Variants in KIAA1217 observed in about 807,000 individuals in gnomAD.
The protein encoded by KIAA1217 is KIAA1217.
In KIAA1217, 88 loss-of-function variants were observed where a neutral mutation model predicts 163.9. The observed-to-expected ratio is 0.54, with a 90% CI of 0.45 to 0.64. KIAA1217 has a LOEUF of 0.64. Among genes scored for constraint, KIAA1217 ranks in the 30% least tolerant of loss-of-function variants. The pLI is 0.00. For missense variants in KIAA1217, 2,372 were observed against 2,475.0 expected (o/e 0.96, Z 0.88); for synonymous variants, 903 against 923.1 (o/e 0.98, Z 0.39).
intron 3 of KIAA1217, among the ~76,000 whole-genome samples, chr10:24,421,471 T>G (rs1022708903): frequency 2.0e-5 from 3 of 152,220 alleles, no homozygotes; most frequent in Non-Finnish European, 4.4e-5. Flanking sequence ...CAAGTACCAT[T>G]TTGGCTATCT....
chr10:24,530,689 G>C (rs2072979552), intron 14 of KIAA1217, among the ~76,000 whole-genome samples: 1 of 152,092 alleles, frequency 6.6e-6, no homozygotes, highest in Admixed American at 6.5e-5. Context: ...CTTGAAGCCA[G>C]GACTTCAAGA....
chr10:23,896,743 C>T (rs954854644), intron 1 of KIAA1217, among the ~76,000 whole-genome samples: 1 of 152,020 alleles, frequency 6.6e-6, no homozygotes, highest in Admixed American at 6.6e-5. Context: ...TTTGCAAAAA[C>T]GTCTTTAAAC....
At chr10:24,438,542 G>A in intron 5 of KIAA1217, 63 bp downstream of exon 5, 2 of 1,086,546 alleles carry the variant, frequency 1.8e-6, no homozygotes, top group Middle Eastern at 2.0e-4. Flanking sequence ...CCTCTTGCTT[G>A]TACTCCTGAT....
In KIAA1217 at chr10:23,967,854, A is replaced by C. The variant is rs574555011; in HGVS notation, c.-320-39371A>C. On this transcript the variant is annotated intron_variant, in intron 1 of 18. Coordinates refer to the KIAA1217 transcript ENST00000376462. ...CTAATTGCTTAGGCACTTAGACATT[A>C]GGTAAGTTCTAGTGTCTCAAGCAAC... Among the ~76,000 whole-genome samples, 10 of 151,960 alleles carry C rather than the reference A, an allele frequency of 6.6e-5. No individual in the cohort carries two copies. The South Asian group carries it at 1.0e-3, about 16-fold the overall frequency.
At chr10:24,218,253 A>T (rs2069094930) in intron 1 of KIAA1217, among the ~76,000 whole-genome samples, 2 of 152,116 alleles carry the variant, frequency 1.3e-5, no homozygotes, top group East Asian at 3.9e-4. Context: ...ACCATCGAGG[A>T]TGAATGGAGA....
At chr10:24,174,269 G>A (rs2065766195) in intron 2 of KIAA1217, among the ~76,000 whole-genome samples, 1 of 152,174 alleles carries the variant, frequency 6.6e-6, no homozygotes, top group Admixed American at 6.5e-5. Flanking sequence ...TCTAGCTCTT[G>A]GCTTGCTGCC....
intron 14 of KIAA1217, among the ~76,000 whole-genome samples, chr10:24,531,514 A>G (rs1301051243): frequency 6.6e-6 from 1 of 152,150 alleles, no homozygotes; most frequent in African/African-American, 2.4e-5. Flanking sequence ...AGTAGGTAAT[A>G]CTTTACATAG....
chr10:23,845,429 C>T (rs920485023), intron 1 of KIAA1217, among the ~76,000 whole-genome samples: 1 of 152,154 alleles, frequency 6.6e-6, no homozygotes. Context: ...GATCTCCATT[C>T]TAACTGGCAT....
At chr10:24,426,391 GT>G (rs1180796609) in intron 3 of KIAA1217, among the ~76,000 whole-genome samples, 1 of 152,118 alleles carries the variant, frequency 6.6e-6, no homozygotes, top group Non-Finnish European at 1.5e-5. Context: ...GGAGGTCAAG[GT>G]GGGTGAATCA....
intron 5 of KIAA1217, among the ~76,000 whole-genome samples, chr10:24,450,272 A>G (rs951215333): frequency 6.6e-6 from 1 of 152,242 alleles, no homozygotes; most frequent in Non-Finnish European, 1.5e-5. Flanking sequence ...CTTTAAATTT[A>G]AAAATAAAAA....
At chr10:23,864,419 T>A (rs1840088518) in intron 1 of KIAA1217, among the ~76,000 whole-genome samples, 2 of 152,172 alleles carry the variant, frequency 1.3e-5, no homozygotes, top group South Asian at 4.1e-4. Context: ...TCCTTGTTTT[T>A]ATTTAATTTT....
At position 24,268,022 on chromosome 10, in the gene KIAA1217, C is replaced by A. The variant is rs114838216; in HGVS notation, c.354+48113C>A. Among the ~76,000 whole-genome samples, 1,087 of 152,268 alleles carry A rather than the reference C, an allele frequency of 7.1e-3. 10 individuals are homozygous for A. Among genetic ancestry groups the A allele is most frequent in the African/African-American group, 0.025 (1,029 of 41,562 alleles). On this transcript the variant is annotated intron_variant, in intron 2 of 20. Transcript: ENST00000376454. The stretch of plus-strand genomic sequence containing the variant: ...GGCCCTTTAACTTTGTTTCCCTGCG[C>A]TGCAGCTCCTGTCTCCAGCAGTTAG...
intron 10 of KIAA1217, among the ~76,000 whole-genome samples, chr10:24,518,314 T>C (rs1207634546): frequency 6.7e-6 from 1 of 149,182 alleles, no homozygotes; most frequent in Non-Finnish European, 1.5e-5. Context: ...TTTTAATGTT[T>C]TATCTAAAGT....
chr10:24,264,386 T>G (rs2076005297), intron 2 of KIAA1217, among the ~76,000 whole-genome samples: 1 of 151,796 alleles, frequency 6.6e-6, no homozygotes, highest in Non-Finnish European at 1.5e-5. Flanking sequence ...AAATGGAAAT[T>G]TGGGAAGGGG....
At chr10:23,951,040 A>G (rs886933849) in intron 1 of KIAA1217, among the ~76,000 whole-genome samples, 3 of 152,176 alleles carry the variant, frequency 2.0e-5, no homozygotes, top group African/African-American at 7.2e-5. Flanking sequence ...ATTATGGTCT[A>G]GTATAAGAGA....
intron 2 of KIAA1217, among the ~76,000 whole-genome samples, chr10:24,176,906 G>A (rs755982601): frequency 2.6e-5 from 4 of 152,284 alleles, no homozygotes; most frequent in South Asian, 2.1e-4. Context: ...GAATTTGAAC[G>A]CAGCACAGGT....
intron 1 of KIAA1217, among the ~76,000 whole-genome samples, chr10:23,847,314 C>G (rs1588938893): frequency 6.6e-6 from 1 of 152,088 alleles, no homozygotes; most frequent in Admixed American, 6.6e-5. Flanking sequence ...GAAATGGTAG[C>G]AGCTCCTCCT....
At chr10:23,893,784 A>G (rs909730760) in intron 1 of KIAA1217, among the ~76,000 whole-genome samples, 8 of 152,124 alleles carry the variant, frequency 5.3e-5, no homozygotes, top group Non-Finnish European at 7.4e-5. Context: ...CAAAAAGCTT[A>G]TCCATCATGA....
chr10:23,874,650 C>T (rs1200800635), intron 1 of KIAA1217, among the ~76,000 whole-genome samples: 1 of 151,948 alleles, frequency 6.6e-6, no homozygotes, highest in African/African-American at 2.4e-5. Context: ...CCACCTGATG[C>T]TGGGACCATA....
Sources: allele counts gnomAD v4.1 joint callset (sites outside exome capture counted in the v4.1 genomes callset), GRCh38; gene constraint gnomAD v4.1.1; transcripts MANE v1.5; gene names NCBI Gene and HGNC (gene_info 2026-07-23, HGNC 2026-07-21).